The following CPAMD8 variants were observed in gnomAD, a reference collection of about 807,000 sequenced individuals.
The protein encoded by CPAMD8 is C3 and PZP like alpha-2-macroglobulin domain containing 8.
CPAMD8 carries 146 observed loss-of-function variants against 224.7 expected under a neutral mutation model. The ratio of observed to expected loss-of-function variants is 0.65; its 90% CI spans 0.57 to 0.75. The LOEUF is 0.75. Ranked by LOEUF, CPAMD8 falls within the 30% of genes least tolerant of loss-of-function variation. The pLI, the probability that CPAMD8 is intolerant of heterozygous loss-of-function variation, is 0.00. For synonymous variants in CPAMD8, 966 were observed against 1,044.6 expected (o/e 0.92, Z 1.45); for missense variants, 2,301 against 2,537.5 (o/e 0.91, Z 2.00).
At position 17,011,711 on chromosome 19, in the gene CPAMD8, C is replaced by T. The variant is rs766921464; in HGVS notation, c.314G>A (p.Arg105His). Residue 105 changes from arginine to histidine, a missense_variant, in exon 4 of 42, where the codon CGC (arginine) becomes CAC (histidine). Around this residue, in one of 4 missense-constraint regions of CPAMD8, gnomAD observed 283 missense variants for 340.6 expected, o/e 0.83. Coordinates refer to ENST00000443236, the MANE Select transcript of CPAMD8 (RefSeq NM_015692.5). ...RGQALLKVWG[R>H]GWQAEEGPLF... ...GGGCCCCTCCTCCGCCTGCCAGCCG[C>T]GGCCCCACACTTTCAGAAGCGCTTG... 30 of 1,613,906 alleles carry T rather than the reference C, an allele frequency of 1.9e-5. No homozygotes were observed. Among genetic ancestry groups the T allele is most frequent in the East Asian group, 8.9e-5 (4 of 44,886 alleles).
intron 20 of CPAMD8, among the ~76,000 whole-genome samples, chr19:16,948,089 C>T (rs6512147): frequency 0.46 from 70,167 of 151,900 alleles, 16,759 homozygotes; most frequent in African/African-American, 0.58. Flanking sequence ...TGTGCATGTG[C>T]ATTGTGGGTG....
intron 27 of CPAMD8, among the ~76,000 whole-genome samples, chr19:16,919,460 T>G (rs1357700134): frequency 1.3e-5 from 2 of 152,184 alleles, no homozygotes; most frequent in Non-Finnish European, 2.9e-5. Context: ...CCAGCCCCAG[T>G]AGAGCCTTCA....
Position 16,957,841 on chromosome 19 carries a change from A to G in CPAMD8, c.2276+12T>C. 6.2e-7 allele frequency: 1 copy of G among 1,613,996 alleles called. No homozygotes were observed. Among genetic ancestry groups the G allele is most frequent in the African/African-American group, 1.3e-5 (1 of 75,048 alleles). On this transcript the variant is annotated intron_variant, in intron 19 of 41. Transcript: ENST00000443236. ...CCGGCAAAGTCAGCGCAGAAAAGAA[A>G]TCTTAATGTACCTGATGTTGAGACA...
At chr19:17,009,439 G>A in intron 5 of CPAMD8, 119 bp from the exon 6 acceptor site, 1 of 1,543,954 alleles carries the variant, frequency 6.5e-7, no homozygotes, top group Admixed American at 1.8e-5. Flanking sequence ...GTTAAACAGT[G>A]TCCCCCTAGA....
At chr19:17,015,066 GC>G (rs1294939362) in intron 3 of CPAMD8, among the ~76,000 whole-genome samples, 2 of 152,060 alleles carry the variant, frequency 1.3e-5, no homozygotes, top group Non-Finnish European at 2.9e-5. Flanking sequence ...ACATGGCGAA[GC>G]CCCGTCTCTA....
At chr19:16,934,625 G>C (rs776906019) in intron 23 of CPAMD8, among the ~76,000 whole-genome samples, 3 of 152,096 alleles carry the variant, frequency 2.0e-5, no homozygotes, top group African/African-American at 7.2e-5. Flanking sequence ...TACATAGTGC[G>C]TGAAGTAACA....
At chr19:16,915,058 T>C (rs900811962) in intron 27 of CPAMD8, among the ~76,000 whole-genome samples, 1 of 152,216 alleles carries the variant, frequency 6.6e-6, no homozygotes, top group African/African-American at 2.4e-5. Context: ...CTAGTGGCAT[T>C]CAGGTCTGCT....
At chr19:16,989,418 C>T (rs1006460626) in intron 13 of CPAMD8, among the ~76,000 whole-genome samples, 2 of 152,148 alleles carry the variant, frequency 1.3e-5, no homozygotes, top group African/African-American at 4.8e-5. Context: ...TCCCGAGTAG[C>T]TGGGATTACA....
intron 18 of CPAMD8, among the ~76,000 whole-genome samples, chr19:16,966,594 C>T (rs546198610): frequency 6.6e-6 from 1 of 152,204 alleles, no homozygotes; most frequent in Non-Finnish European, 1.5e-5. Flanking sequence ...ATCTACCCAT[C>T]GGACAAAGCG....
At chr19:16,902,617 G>T in intron 35 of CPAMD8, 32 bp downstream of exon 35, 1 of 1,440,156 alleles carries the variant, frequency 6.9e-7, no homozygotes, top group South Asian at 1.2e-5. Flanking sequence ...ACCCTCCTGG[G>T]ATGCCCACGC....
chr19:17,020,215 C>T, intron 3 of CPAMD8, 116 bp downstream of exon 3: 1 of 765,504 alleles, frequency 1.3e-6, no homozygotes, highest in South Asian at 1.4e-5. Flanking sequence ...CTCAGGTGAT[C>T]CACCCACCTC....
intron 8 of CPAMD8, 132 bp from the exon 9 acceptor site, chr19:17,002,482 C>T (rs142417509): frequency 1.9e-4 from 115 of 613,944 alleles, no homozygotes; most frequent in African/African-American, 1.8e-3. Context: ...TACCCATCCA[C>T]ACCACTCTGC....
chr19:17,021,910 G>A (rs1368553499), intron 2 of CPAMD8, 120 bp downstream of exon 2: 2 of 818,370 alleles, frequency 2.4e-6, no homozygotes, highest in Non-Finnish European at 3.7e-6. Context: ...CCATGCCCCT[G>A]GGGATTTAGG....
rs555592649 is a variant in CPAMD8, at chr19:16,899,746, C to T, written c.4774-197G>A. On this transcript the variant is annotated intron_variant, in intron 36 of 41. Transcript: ENST00000443236. This position sits in a 1 kb window ranked among gnomAD's most constrained non-coding sequence, Gnocchi z 5.4. ...GAGGACGCTCAAGGATGGCTATCCC[C>T]GCTGGGAGCACCTGCCTCGCCTCCC... 1.3e-5 allele frequency among the ~76,000 whole-genome samples: 2 copies of T among 152,200 alleles called. No individual in the cohort carries two copies. The highest frequency in any genetic ancestry group is 2.1e-4 in the South Asian group (1 of 4,818).
chr19:17,008,821 C>T (rs1599901785), intron 6 of CPAMD8: 2 of 532,136 alleles, frequency 3.8e-6, no homozygotes, highest in East Asian at 6.6e-5. Flanking sequence ...GGTGTGGTGG[C>T]TCACACCTGT....
At chr19:16,975,743 C>T (rs1490786832) in intron 16 of CPAMD8, among the ~76,000 whole-genome samples, 1 of 152,102 alleles carries the variant, frequency 6.6e-6, no homozygotes, top group African/African-American at 2.4e-5. Flanking sequence ...CAAATTGGAG[C>T]CAGAGAGGTG....
intron 27 of CPAMD8, among the ~76,000 whole-genome samples, chr19:16,921,438 G>C (rs2053169680): frequency 6.6e-6 from 1 of 152,000 alleles, no homozygotes; most frequent in Admixed American, 6.5e-5. Flanking sequence ...GGCCTCCCAG[G>C]GGCCCTCCCT....
intron 14 of CPAMD8, among the ~76,000 whole-genome samples, chr19:16,978,702 A>G (rs2055370402): frequency 6.6e-6 from 1 of 152,136 alleles, no homozygotes; most frequent in Admixed American, 6.6e-5. Flanking sequence ...GCAGAGGGTG[A>G]GAAAGCCTGC....
rs774081655 is a variant in CPAMD8, at chr19:17,015,350, G to A, written c.268-3593C>T. Among the ~76,000 whole-genome samples the A allele has an allele frequency of 2.0e-5, 3 of 152,230 alleles. No individual in the cohort carries two copies. The South Asian group carries it at 6.2e-4, about 31-fold the overall frequency. ...CTACTCATGTGGTCCCTCAAGGGGT[G>A]GATGGACCCTGGTGACCATCACGGG... is the stretch of plus-strand genomic sequence containing the variant. On this transcript the variant is annotated intron_variant, in intron 3 of 41. Transcript: ENST00000443236.
Sources: allele counts gnomAD v4.1 joint callset (sites outside exome capture counted in the v4.1 genomes callset), GRCh38; gene constraint gnomAD v4.1.1; regional missense constraint gnomAD v4.1.1; non-coding constraint Gnocchi (gnomAD v3.1); transcripts MANE v1.5; gene names NCBI Gene and HGNC (gene_info 2026-07-23, HGNC 2026-07-21).